The following FARSB variants were observed in gnomAD, a reference collection of about 807,000 sequenced individuals.
The protein encoded by FARSB is phenylalanyl-tRNA synthetase subunit beta, also known as phenylalanine--tRNA ligase beta subunit.
Under a neutral mutation model 69.6 loss-of-function variants are expected in FARSB, and 40 were observed. That is an observed-to-expected ratio of 0.57 (90% CI 0.45 to 0.75). The LOEUF (loss-of-function observed/expected upper bound fraction) is 0.75. FARSB is among the 30% of genes least tolerant of loss of function. The pLI is 0.00. For missense variants in FARSB, 632 were observed against 722.9 expected (o/e 0.87, Z 1.44); for synonymous variants, 235 against 247.2 (o/e 0.95, Z 0.46).
rs1689692665 is a variant in FARSB, at chr2:222,570,251, TTAAG to T, written c.*1616_*1619del. The stretch of plus-strand genomic sequence containing the variant: ...TTATTTTTACTATTAAGTTTTATTA[TTAAG>T]TTTTAAGAAATCTTTATGCATGCTG... On this transcript the variant is annotated 3_prime_UTR_variant, in exon 17 of 17. Coordinates refer to ENST00000281828, the MANE Select transcript of FARSB (RefSeq NM_005687.5). Among the ~76,000 whole-genome samples the T allele has an allele frequency of 1.3e-5, 2 of 152,252 alleles. No homozygotes were observed. Among genetic ancestry groups the T allele is most frequent in the Non-Finnish European group, 1.5e-5 (1 of 68,046 alleles).
intron 13 of FARSB, among the ~76,000 whole-genome samples, chr2:222,621,035 C>T (rs1443878085): frequency 2.0e-5 from 3 of 152,162 alleles, no homozygotes; most frequent in Admixed American, 2.0e-4. Context: ...TTCCCCACAG[C>T]ATAAAGAAGT....
At position 222,571,711 on chromosome 2, in the gene FARSB, T is replaced by A. The variant is rs999466574; in HGVS notation, c.*160A>T. On this transcript the variant is annotated 3_prime_UTR_variant, in exon 17 of 17. Transcript: ENST00000281828. ...GTATATGGCACAAGCTGGCCTAATA[T>A]GCAGGGAAAGGATGGTCTCTACCCA... is the stretch of plus-strand genomic sequence containing the variant. The A allele has an allele frequency of 1.1e-5, 7 of 618,266 alleles. No individual in the cohort carries two copies. The highest frequency in any genetic ancestry group is 2.0e-5 in the Non-Finnish European group (7 of 358,464). The allele number at this position is 618,266 out of a possible 1,614,324, so 38.3% of individuals were successfully genotyped here.
chr2:222,632,889 C>T (rs1245446778), intron 7 of FARSB, among the ~76,000 whole-genome samples: 1 of 151,294 alleles, frequency 6.6e-6, no homozygotes, highest in Non-Finnish European at 1.5e-5. Context: ...CAGAGTTTGA[C>T]TTTGAGTTTA....
Position 222,624,383 on chromosome 2 carries a change from T to C in FARSB, c.1059A>G (p.Pro353=). 1.2e-6 allele frequency: 2 copies of C among 1,609,632 alleles called. No homozygotes were observed. Among genetic ancestry groups the C allele is most frequent in the Non-Finnish European group, 1.7e-6 (2 of 1,175,884 alleles). The part of the protein sequence containing the change: ...DGNQIEIEIP[P]TRADIIHACD... ...ATGCATGGATAATGTCAGCTCTGGT[T>C]GGAGGGATTTCAATCTCAATCTGAT... is the stretch of plus-strand genomic sequence containing the variant. The change falls in exon 12 of 17, where the codon CCA becomes CCG. Residue 353 remains proline, a synonymous_variant. Coordinates refer to ENST00000281828, the MANE Select transcript of FARSB (RefSeq NM_005687.5).
intron 16 of FARSB, among the ~76,000 whole-genome samples, chr2:222,583,562 G>C (rs963923164): frequency 1.3e-5 from 2 of 152,194 alleles, no homozygotes; most frequent in African/African-American, 4.8e-5. Context: ...TAATCTTCAA[G>C]TGTCAAGGTC....
chr2:222,584,223 A>T (rs944695792), intron 16 of FARSB, among the ~76,000 whole-genome samples: 5 of 152,152 alleles, frequency 3.3e-5, no homozygotes, highest in Non-Finnish European at 5.9e-5. Context: ...GAAAAAAAAA[A>T]TTTTGCATAC....
At chr2:222,649,014 G>A (rs1452193890) in intron 1 of FARSB, among the ~76,000 whole-genome samples, 1 of 151,786 alleles carries the variant, frequency 6.6e-6, no homozygotes, top group East Asian at 1.9e-4. Context: ...ATCATCTGAG[G>A]TCAGGAGTTT....
In FARSB at chr2:222,570,153, C is replaced by T. The variant is rs1201951248; in HGVS notation, c.*1718G>A. On this transcript the variant is annotated 3_prime_UTR_variant, in exon 17 of 17. Coordinates refer to ENST00000281828, the MANE Select transcript of FARSB (RefSeq NM_005687.5). Reference sequence around the variant, plus strand: ...TGACTAACGATGTTGAGGATCTTTTCAAGTGCTCATTCATATGTCATCTTT... The same window carrying T: ...TGACTAACGATGTTGAGGATCTTTTTAAGTGCTCATTCATATGTCATCTTT... Among the ~76,000 whole-genome samples the T allele has an allele frequency of 6.6e-6, 1 of 152,172 alleles. No individual in the cohort carries two copies. The highest frequency in any genetic ancestry group is 1.5e-5 in the Non-Finnish European group (1 of 68,020).
intron 13 of FARSB, among the ~76,000 whole-genome samples, chr2:222,621,465 C>T (rs1177916308): frequency 7.2e-5 from 11 of 152,126 alleles, no homozygotes; most frequent in Admixed American, 2.0e-4. Flanking sequence ...TCAAGTGATC[C>T]GCCCGCCTCG....
intron 2 of FARSB, 135 bp from the exon 3 acceptor site, chr2:222,643,140 C>T: frequency 2.0e-6 from 1 of 507,608 alleles, no homozygotes; most frequent in East Asian, 2.9e-5. Context: ...TTATTATATC[C>T]ACGACAAAAA....
At position 222,651,192 on chromosome 2, in the gene FARSB, C is replaced by A. The variant is rs79188265; in HGVS notation, c.59-2397G>T. ...AAGAGGAATCCTGGTTAAGAAGAGG[C>A]GGAAGGCTTAGCAACACCATTCCTT... On this transcript the variant is annotated intron_variant, in intron 1 of 16. Transcript: ENST00000281828. Among the ~76,000 whole-genome samples the A allele has an allele frequency of 7.4e-3, 1,124 of 152,158 alleles. 15 individuals are homozygous for A. The highest frequency in any genetic ancestry group is 0.025 in the African/African-American group (1,041 of 41,512).
intron 5 of FARSB, among the ~76,000 whole-genome samples, chr2:222,638,321 A>G (rs1691636515): frequency 6.6e-6 from 1 of 152,216 alleles, no homozygotes. Context: ...GAAATACCAA[A>G]TAAAACAGAG....
chr2:222,632,992 T>C (rs916482259), intron 7 of FARSB, among the ~76,000 whole-genome samples: 2 of 152,146 alleles, frequency 1.3e-5, no homozygotes, highest in African/African-American at 4.8e-5. Flanking sequence ...TATTTATAAA[T>C]GTATGAGCAT....
chr2:222,647,364 T>C (rs1691892987), intron 2 of FARSB, among the ~76,000 whole-genome samples: 1 of 152,162 alleles, frequency 6.6e-6, no homozygotes, highest in African/African-American at 2.4e-5. Flanking sequence ...TCTTTTATTT[T>C]AGCAAGGCCT....
chr2:222,643,389 T>A (rs933908233), intron 2 of FARSB, among the ~76,000 whole-genome samples: 1 of 152,194 alleles, frequency 6.6e-6, no homozygotes, highest in Admixed American at 6.6e-5. Flanking sequence ...ACTTACACAC[T>A]GCAATAGCTG....
At position 222,656,082 on chromosome 2, in the gene FARSB, GAA is replaced by G. The variant is rs780123866; in HGVS notation, c.-11_-10del. On this transcript the variant is annotated 5_prime_UTR_variant, in exon 1 of 17. Coordinates refer to ENST00000281828, the MANE Select transcript of FARSB (RefSeq NM_005687.5). The stretch of plus-strand genomic sequence containing the variant: ...ACGCTGACAGTCGGCATGGTGTGTC[GAA>G]CTCACTGCGCCTGCGCAGCGAGCTG... 1 of 1,588,158 alleles carries G rather than the reference GAA, an allele frequency of 6.3e-7. No homozygotes were observed. The highest frequency in any genetic ancestry group is 1.1e-5 in the South Asian group (1 of 87,656).
rs1280027967 is a variant in FARSB at position 222,569,102 on chromosome 2, T to C, written c.*2769A>G. 2 of 152,210 alleles carry C rather than the reference T, an allele frequency of 1.3e-5. No homozygotes were observed. Among genetic ancestry groups the C allele is most frequent in the Admixed American group, 6.5e-5 (1 of 15,284 alleles). The allele number at this position is 152,210 out of a possible 1,614,324, so 9.4% of individuals were successfully genotyped here. A position where few individuals can be genotyped will look rare whatever the true frequency, so the allele number is the denominator to read the frequency against. ...GATCTGGCTGCAGAGCCTCGACTCA[T>C]GAGCTGGATTCGCTTCTTCCAATGC... is the stretch of plus-strand genomic sequence containing the variant. On this transcript the variant is annotated 3_prime_UTR_variant, in exon 17 of 17. Coordinates refer to ENST00000281828, the MANE Select transcript of FARSB (RefSeq NM_005687.5).
intron 15 of FARSB, among the ~76,000 whole-genome samples, chr2:222,606,837 CAGAG>C (rs1429411846): frequency 1.3e-5 from 2 of 152,278 alleles, no homozygotes; most frequent in Non-Finnish European, 2.9e-5. Flanking sequence ...CAGAGTCTTC[CAGAG>C]AAACTTTCCA....
intron 16 of FARSB, among the ~76,000 whole-genome samples, chr2:222,584,702 C>A (rs1230870227): frequency 2.0e-5 from 3 of 152,222 alleles, no homozygotes; most frequent in East Asian, 1.9e-4. Context: ...TATCCCATGC[C>A]TGGCTCAGAG....
Sources: allele counts gnomAD v4.1 joint callset (sites outside exome capture counted in the v4.1 genomes callset), GRCh38; gene constraint gnomAD v4.1.1; transcripts MANE v1.5; gene names NCBI Gene and HGNC (gene_info 2026-07-23, HGNC 2026-07-21).